The following CHRNB1 variants were observed in gnomAD, a reference collection of about 807,000 sequenced individuals.
CHRNB1 encodes the protein acetylcholine receptor subunit beta.
A neutral mutation model predicts 53.8 loss-of-function variants in CHRNB1; 47 were observed. The ratio of observed to expected loss-of-function variants is 0.87; its 90% CI spans 0.69 to 1.11. The LOEUF (loss-of-function observed/expected upper bound fraction) is 1.11. CHRNB1 is among the 50% of genes most tolerant of loss of function. CHRNB1 has a pLI of 0.00. For synonymous variants in CHRNB1, 259 were observed against 263.5 expected (o/e 0.98, Z 0.16); for missense variants, 605 against 654.9 (o/e 0.92, Z 0.83).
Position 7,454,345 on chromosome 17 carries a change from T to A in CHRNB1, c.869T>A (p.Phe290Tyr). 1 of 1,614,198 alleles carries A rather than the reference T, an allele frequency of 6.2e-7. No homozygotes were observed. Among genetic ancestry groups the A allele is most frequent in the Non-Finnish European group, 8.5e-7 (1 of 1,180,030 alleles). ...TTTGCCCTGCTGACCCTTACTGTGT[T>A]CCTGCTGCTGCTGGCTGACAAAGTA... ...SIFALLTLTV[F>Y]LLLLADKVPE... Residue 290 changes from phenylalanine to tyrosine, a missense_variant, in exon 8 of 11, where the codon TTC becomes TAC. Phe to Tyr is a conservative substitution (Grantham distance 22). Coordinates refer to ENST00000306071, the MANE Select transcript of CHRNB1 (RefSeq NM_000747.3).
At chr17:7,455,742 G>T (rs928525290) in intron 9 of CHRNB1, 52 bp from the exon 10 acceptor site, 4 of 1,613,042 alleles carry the variant, frequency 2.5e-6, no homozygotes, top group African/African-American at 2.7e-5. Flanking sequence ...GGCCTGGGTC[G>T]CCGGCACTGG....
In CHRNB1 at chr17:7,445,478, G is replaced by A; in HGVS notation, c.198+69G>A. The stretch of plus-strand genomic sequence containing the variant: ...GGGGGCGTGGCTTTAGGCAAGGCCG[G>A]ACCAGGGACAGGCTGGGGGCGGGGC... On this transcript the variant is annotated intron_variant, in intron 2 of 10. Transcript: ENST00000306071. This position sits in a 1 kb window ranked among gnomAD's most constrained non-coding sequence, Gnocchi z 5.7. The A allele has an allele frequency of 6.3e-7, 1 of 1,582,718 alleles. No individual in the cohort carries two copies. The highest frequency in any genetic ancestry group is 8.6e-7 in the Non-Finnish European group (1 of 1,168,514).
intron 8 of CHRNB1, 31 bp from the exon 9 acceptor site, chr17:7,455,253 C>G (rs1203334337): frequency 1.9e-6 from 3 of 1,613,478 alleles, no homozygotes; most frequent in South Asian, 1.1e-5. Context: ...AGCATGAAAG[C>G]CCCCACCAAT....
At position 7,448,731 on chromosome 17, in the gene CHRNB1, C is replaced by G; in HGVS notation, c.763C>G (p.Pro255Ala). The G allele has an allele frequency of 5.0e-6, 8 of 1,614,252 alleles. No homozygotes were observed. Among genetic ancestry groups the G allele is most frequent in the Non-Finnish European group, 6.8e-6 (8 of 1,180,054 alleles). ...PLFYLVNVIA[P>A]CILITLLAIF... ...CTTCTACCTGGTCAACGTCATTGCC[C>G]CATGCATCCTCATCACTCTTCTGGC... Residue 255 changes from proline (P) to alanine (A), a missense_variant, in exon 7 of 11, where the codon CCA (proline) becomes GCA (alanine). By Grantham distance (27) the Pro-to-Ala change is conservative. Coordinates refer to ENST00000306071, the MANE Select transcript of CHRNB1 (RefSeq NM_000747.3).
In CHRNB1 at chr17:7,448,626, C is replaced by G. The variant is rs769869631; in HGVS notation, c.658C>G (p.Pro220Ala). ...IIHKPSRLIQ[P>A]PGDPRGGREG... ...CCACAAGCCCTCTCGGCTAATCCAG[C>G]CTCCAGGCGATCCTAGGGGAGGGAG... The change falls in exon 7 of 11, where the codon CCT becomes GCT. Residue 220 changes from proline (P) to alanine (A), a missense_variant. Transcript: ENST00000306071. 6.2e-7 allele frequency: 1 copy of G among 1,614,188 alleles called. No individual in the cohort carries two copies. The highest frequency in any genetic ancestry group is 8.5e-7 in the Non-Finnish European group (1 of 1,180,028).
At chr17:7,446,616 G>A in intron 3 of CHRNB1, 1 of 594,760 alleles carries the variant, frequency 1.7e-6, no homozygotes, top group Non-Finnish European at 3.0e-6. Context: ...CATTTTTACA[G>A]AGTAAAATAT....
In CHRNB1 at chr17:7,446,937, G is replaced by A; in HGVS notation, c.348G>A (p.Leu116=). The change falls in exon 4 of 11, where the codon CTG becomes CTA. Residue 116 remains leucine, a synonymous_variant. Transcript: ENST00000306071. The stretch of plus-strand genomic sequence containing the variant: ...TGTGGCTCCCTGACGTGGTGCTACT[G>A]AACAAGTAGGAGAACTTCCAAAGCC... ...ESVWLPDVVL[L]NNNDGNFDVA... is the part of the protein sequence containing the mutation. 6.3e-7 allele frequency: 1 copy of A among 1,586,530 alleles called. No individual in the cohort carries two copies. The highest frequency in any genetic ancestry group is 8.6e-7 in the Non-Finnish European group (1 of 1,162,072).
chr17:7,453,180 C>T (rs561793155), intron 7 of CHRNB1, among the ~76,000 whole-genome samples: 37 of 152,272 alleles, frequency 2.4e-4, no homozygotes, highest in Middle Eastern at 3.4e-3. Flanking sequence ...TGCAATGGCA[C>T]GATCTCGACT....
At chr17:7,449,448 C>T (rs1908800235) in intron 7 of CHRNB1, among the ~76,000 whole-genome samples, 1 of 137,528 alleles carries the variant, frequency 7.3e-6, no homozygotes, top group Admixed American at 8.5e-5. Context: ...TGCTCTTTTG[C>T]CCAGGCTGGA....
At position 7,446,009 on chromosome 17, in the gene CHRNB1, G is replaced by A. The variant is rs1240839438; in HGVS notation, c.199-60G>A. 3.3e-6 allele frequency: 5 copies of A among 1,503,716 alleles called. No individual in the cohort carries two copies. In the South Asian group the frequency reaches 3.4e-5, roughly 10 times the overall value. 93.1% of individuals were successfully genotyped at this position (1,503,716 alleles called of 1,614,324 possible). ...TTCCCAGGAGAGAGGTTGGCCCCCC[G>A]AGCCCCCTCATTTCTCTCCACCCTA... On this transcript the variant is annotated intron_variant, in intron 2 of 10. Coordinates refer to ENST00000306071, the MANE Select transcript of CHRNB1 (RefSeq NM_000747.3).
In CHRNB1 at chr17:7,456,857, C is replaced by G; in HGVS notation, c.*134C>G. The G allele has an allele frequency of 2.5e-6, 3 of 1,202,386 alleles. No individual in the cohort carries two copies. The highest frequency in any genetic ancestry group is 3.6e-6 in the Non-Finnish European group (3 of 840,680). The allele number at this position is 1,202,386 out of a possible 1,614,324, so 74.5% of individuals were successfully genotyped here. On this transcript the variant is annotated 3_prime_UTR_variant, in exon 11 of 11. Transcript: ENST00000306071. ...CCTCTTATTTCGTTTCTGGGGACTG[C>G]ATTGGACTGAGGGCTGGGTAGGCAG... is the stretch of plus-strand genomic sequence containing the variant.
At chr17:7,449,970 G>A (rs1356505415) in intron 7 of CHRNB1, among the ~76,000 whole-genome samples, 5 of 151,384 alleles carry the variant, frequency 3.3e-5, no homozygotes, top group Non-Finnish European at 5.9e-5. Context: ...CGTGAACCCG[G>A]GAGGCGGAGC....
intron 7 of CHRNB1, among the ~76,000 whole-genome samples, chr17:7,449,944 T>C (rs1446566712): frequency 6.6e-6 from 1 of 151,204 alleles, no homozygotes; most frequent in Non-Finnish European, 1.5e-5. Flanking sequence ...CTTGGGAGGC[T>C]GAGGCAGGAG....
At chr17:7,452,652 T>C (rs1041203276) in intron 7 of CHRNB1, among the ~76,000 whole-genome samples, 1 of 152,156 alleles carries the variant, frequency 6.6e-6, no homozygotes, top group Non-Finnish European at 1.5e-5. Context: ...CCTTTGGCAA[T>C]CACCTGATGA....
At chr17:7,447,829 G>C (rs980422138) in intron 6 of CHRNB1, among the ~76,000 whole-genome samples, 179 bp downstream of exon 6, 1 of 152,102 alleles carries the variant, frequency 6.6e-6, no homozygotes, top group African/African-American at 2.4e-5. Flanking sequence ...TGCAATCCCA[G>C]TACTTTGGGA....
rs1344234057 is a variant in CHRNB1 at position 7,446,073 on chromosome 17, A to G, written c.203A>G (p.Glu68Gly). The change falls in exon 3 of 11, where the codon GAG becomes GGG. Residue 68 changes from glutamate (E) to glycine (G), a missense_variant. Physicochemically the swap from Glu to Gly is moderately conservative, Grantham distance 98. Transcript: ENST00000306071. ...LILAQLISLN[E>G]KDEEMSTKVY... ...CCTTAAATTTTTCCCTTCTAGAACG[A>G]GAAGGATGAAGAGATGAGCACAAAG... is the stretch of plus-strand genomic sequence containing the variant. The G allele has an allele frequency of 6.2e-7, 1 of 1,613,786 alleles. No individual in the cohort carries two copies. The highest frequency in any genetic ancestry group is 8.5e-7 in the Non-Finnish European group (1 of 1,179,920).
chr17:7,447,350 GCCCTCCCCATC>G (rs1908682464), intron 5 of CHRNB1, 142 bp from the exon 6 acceptor site: 1 of 973,634 alleles, frequency 1.0e-6, no homozygotes. Context: ...CTCAGTGACC[GCCCTCCCCATC>G]CCTCCCCCAT....
intron 7 of CHRNB1, among the ~76,000 whole-genome samples, chr17:7,450,740 G>C (rs368044995): frequency 6.6e-6 from 1 of 152,214 alleles, no homozygotes; most frequent in East Asian, 1.9e-4. Flanking sequence ...GAGGCTGAAG[G>C]AGTTTAAGTC....
In CHRNB1 at chr17:7,455,451, C is replaced by T. The variant is rs749002133; in HGVS notation, c.1212C>T (p.Pro404=). ...KPPSDFLFPK[P]NRFQPELSAP... ...CAAGTGATTTTCTCTTCCCCAAACC[C>T]AATAGGTAGGACTACGCCCGTTACC... Residue 404 remains proline, a synonymous_variant, in exon 9 of 11, where the codon CCC becomes CCT. Transcript: ENST00000306071. The T allele has an allele frequency of 1.2e-6, 2 of 1,614,034 alleles. No homozygotes were observed. Among genetic ancestry groups the T allele is most frequent in the South Asian group, 2.2e-5 (2 of 91,074 alleles).
Sources: allele counts gnomAD v4.1 joint callset (sites outside exome capture counted in the v4.1 genomes callset), GRCh38; gene constraint gnomAD v4.1.1; non-coding constraint Gnocchi (gnomAD v3.1); transcripts MANE v1.5; gene names NCBI Gene and HGNC (gene_info 2026-07-23, HGNC 2026-07-21).